NME5: variants seen among roughly 807,000 people sequenced by gnomAD.
NME5 encodes the protein NME/NM23 family member 5.
In NME5, 18 loss-of-function variants were observed where a neutral mutation model predicts 21.6. That is an observed-to-expected ratio of 0.83 (90% CI 0.58 to 1.24). The LOEUF is 1.24. Ranked by LOEUF, NME5 falls within the 50% of genes most tolerant of loss-of-function variation. The pLI, the probability that NME5 is intolerant of heterozygous loss-of-function variation, is 0.00. For missense variants in NME5, 223 were observed against 255.4 expected, an observed-to-expected ratio of 0.87 and a Z score of 0.86; for synonymous variants, 70 against 80.6, an observed-to-expected ratio of 0.87 and a Z score of 0.71.
At chr5:138,119,532 A>G (rs2151158148) in intron 4 of NME5, among the ~76,000 whole-genome samples, 1 of 152,154 alleles carries the variant, frequency 6.6e-6, no homozygotes, top group East Asian at 1.9e-4. Flanking sequence ...ATGGGGTTTC[A>G]CCATGTTGGC....
Position 138,138,831 on chromosome 5 carries a change from A to C in NME5, c.-5-46T>G, listed in dbSNP as rs569379042. ...GAGTTTCTTAACAGGTATCAACTGC[A>C]ATGACATGCATTTCCCCCCACCCCC... is the stretch of plus-strand genomic sequence containing the variant. On this transcript the variant is annotated intron_variant, in intron 1 of 5. Coordinates refer to ENST00000265191, the MANE Select transcript of NME5 (RefSeq NM_003551.3). 2.4e-5 allele frequency: 37 copies of C among 1,554,980 alleles called. No individual in the cohort carries two copies. The East Asian group carries it at 7.5e-4, about 32-fold the overall frequency.
rs758710083 is a variant in NME5, at chr5:138,129,318, A to T, written c.280T>A (p.Leu94Ile). ...LARHKAISYW[L>I]ELLGPNNSLV... ...CTATTATTTGGTCCCAAAAGTTCTAACCAATAAGAGATGGCTTTATGTCTA... is the reference window on the plus strand; with the variant it reads ...CTATTATTTGGTCCCAAAAGTTCTATCCAATAAGAGATGGCTTTATGTCTA... Residue 94 changes from leucine to isoleucine, a missense_variant, in exon 3 of 6, where the codon TTA (leucine) becomes ATA (isoleucine). Transcript: ENST00000265191. 3.1e-6 allele frequency: 5 copies of T among 1,613,906 alleles called. No individual in the cohort carries two copies. The highest frequency in any genetic ancestry group is 1.7e-5 in the Admixed American group (1 of 59,984).
At chr5:138,126,764 G>A (rs1273929780) in intron 4 of NME5, among the ~76,000 whole-genome samples, 2 of 151,852 alleles carry the variant, frequency 1.3e-5, no homozygotes, top group East Asian at 1.9e-4. Flanking sequence ...CCTGGGCAAC[G>A]TAGTGAGATT....
chr5:138,128,360 A>C (rs374798546), intron 4 of NME5, 119 bp downstream of exon 4: 4 of 768,566 alleles, frequency 5.2e-6, no homozygotes, highest in Non-Finnish European at 4.2e-6. Context: ...ACTTGAAAAC[A>C]TAACAAAATA....
chr5:138,128,680 C>CT (rs1239410999), intron 3 of NME5, 101 bp from the exon 4 acceptor site: 2 of 707,002 alleles, frequency 2.8e-6, no homozygotes, highest in Non-Finnish European at 4.7e-6. Context: ...ATTGCCACTT[C>CT]TTACATATGA....
At position 138,138,702 on chromosome 5, in the gene NME5, C is replaced by CT; in HGVS notation, c.78dup (p.Glu27ArgfsTer10). 6.2e-7 allele frequency: 1 copy of CT among 1,613,138 alleles called. No homozygotes were observed. The highest frequency in any genetic ancestry group is 8.5e-7 in the Non-Finnish European group (1 of 1,179,564). ...AGAATAATATCTTGTATCTCCTCCT[C>CT]TTTGTCAACAATATCTGGTTTGATA... On this transcript the variant is annotated frameshift_variant, in exon 2 of 6. Coordinates refer to ENST00000265191, the MANE Select transcript of NME5 (RefSeq NM_003551.3). LOFTEE classifies it high-confidence loss of function.
rs1310965055 is a variant in NME5 at position 138,129,339 on chromosome 5, G to C, written c.259C>G (p.His87Asp). 1 of 1,613,874 alleles carries C rather than the reference G, an allele frequency of 6.2e-7. No homozygotes were observed. Among genetic ancestry groups the C allele is most frequent in the South Asian group, 1.1e-5 (1 of 91,082 alleles). Residue 87 changes from histidine (H) to aspartate (D), a missense_variant, in exon 3 of 6, where the codon CAT (histidine) becomes GAT (aspartate). By Grantham distance (81) the His-to-Asp change is moderately conservative (BLOSUM62 -1). Coordinates refer to ENST00000265191, the MANE Select transcript of NME5 (RefSeq NM_003551.3). ...TCTAACCAATAAGAGATGGCTTTAT[G>C]TCTAGCTAATATCATGGCGACAAGT... is the stretch of plus-strand genomic sequence containing the variant. ...GPLVAMILAR[H>D]KAISYWLELL... is the part of the protein sequence containing the mutation.
intron 2 of NME5, among the ~76,000 whole-genome samples, chr5:138,130,860 A>T (rs534238244): frequency 1.3e-5 from 2 of 152,046 alleles, no homozygotes; most frequent in African/African-American, 4.8e-5. Context: ...CGGGAGGCAG[A>T]GGTTGCAGGG....
rs374872859 is a variant in NME5, at chr5:138,127,717, CA to C, written c.436+761del. On this transcript the variant is annotated intron_variant, in intron 4 of 5. Coordinates refer to ENST00000265191, the MANE Select transcript of NME5 (RefSeq NM_003551.3). Reference sequence around the variant, plus strand: ...TACAACTTCTCTAACAGTAAGGAAACAAAAAAAGGGACTAGTTATTAATTTC... The same window carrying C: ...TACAACTTCTCTAACAGTAAGGAAACAAAAAAGGGACTAGTTATTAATTTC... 6 of 979,768 alleles carry C rather than the reference CA, an allele frequency of 6.1e-6. No homozygotes were observed. The East Asian group carries it at 3.4e-4, about 56-fold the overall frequency. 60.7% of individuals were successfully genotyped at this position (979,768 alleles called of 1,614,324 possible).
intron 2 of NME5, among the ~76,000 whole-genome samples, chr5:138,136,673 G>C (rs1215474628): frequency 6.6e-6 from 1 of 150,680 alleles, no homozygotes; most frequent in Non-Finnish European, 1.5e-5. Context: ...CGAGAGTTTC[G>C]CTCTTGTTGC....
rs1196337031 is a variant in NME5, at chr5:138,122,463, A to AAAAAAAAAAAAG, written c.437-3528_437-3527insCTTTTTTTTTTT. ...CTCTAAAAAAAAAAAAAAAAAAAAA[A>AAAAAAAAAAAAG]AAAAAATTGTGCCTAAATATTATAT... On this transcript the variant is annotated intron_variant, in intron 4 of 5. Transcript: ENST00000265191. Among the ~76,000 whole-genome samples, 154 of 149,110 alleles carry AAAAAAAAAAAAG rather than the reference A, an allele frequency of 1.0e-3. 1 individual carries two copies. The highest frequency in any genetic ancestry group is 3.5e-3 in the Middle Eastern group (1 of 286).
chr5:138,138,967 T>C, intron 1 of NME5, 182 bp from the exon 2 acceptor site: 2 of 544,998 alleles, frequency 3.7e-6, no homozygotes, highest in Non-Finnish European at 6.3e-6. Context: ...GTCTCAATAA[T>C]AGGATTCCTA....
At chr5:138,132,639 C>T (rs1400586309) in intron 2 of NME5, among the ~76,000 whole-genome samples, 2 of 152,100 alleles carry the variant, frequency 1.3e-5, no homozygotes, top group Admixed American at 6.6e-5. Flanking sequence ...TCCGTGTCTC[C>T]GCAGGCTTCA....
chr5:138,122,473 T>G (rs1751308859), intron 4 of NME5, among the ~76,000 whole-genome samples: 1 of 115,586 alleles, frequency 8.7e-6, no homozygotes, highest in Non-Finnish European at 1.8e-5. Context: ...AAAAAAATTG[T>G]GCCTAAATAT....
chr5:138,138,744 C>G lies in NME5; in HGVS notation c.37G>C (p.Glu13Gln). ...GGTTTGATAATGGCCAGAGTTTTTT[C>G]TACATATATCTGAGGTGGAGGCATT... is the stretch of plus-strand genomic sequence containing the variant. ...ISMPPPQIYV[E>Q]KTLAIIKPDI... is the part of the protein sequence containing the mutation. The change falls in exon 2 of 6, where the codon GAA becomes CAA. Residue 13 changes from glutamate (E) to glutamine (Q), a missense_variant. Transcript: ENST00000265191. 1 of 1,612,490 alleles carries G rather than the reference C, an allele frequency of 6.2e-7. No individual in the cohort carries two copies.
intron 4 of NME5, among the ~76,000 whole-genome samples, chr5:138,121,172 G>GAT (rs151283026): frequency 2.6e-4 from 39 of 150,768 alleles, no homozygotes; most frequent in Admixed American, 1.0e-3. Flanking sequence ...AAAAAAAAAA[G>GAT]ATATATATAT....
chr5:138,115,708 G>T lies in NME5; in HGVS notation c.612C>A (p.His204Gln). 6.3e-7 allele frequency: 1 copy of T among 1,578,540 alleles called. No homozygotes were observed. The change falls in exon 6 of 6, where the codon CAC becomes CAA. Residue 204 changes from histidine to glutamine, a missense_variant. Physicochemically the swap from His to Gln is conservative, Grantham distance 24 (BLOSUM62 0). Transcript: ENST00000265191. ...KNNPNKPKLC[H>Q]HPIVEEPY The stretch of plus-strand genomic sequence containing the variant: ...AATAAGGTTCTTCTACAATTGGATG[G>T]TGACAAAGTTTGGGTTTGTTAGGAT...
chr5:138,117,278 A>G (rs1410040163), intron 5 of NME5, among the ~76,000 whole-genome samples: 1 of 151,780 alleles, frequency 6.6e-6, no homozygotes, highest in Non-Finnish European at 1.5e-5. Flanking sequence ...GTAAATTTTC[A>G]TGACCTTGGA....
chr5:138,135,319 CA>C (rs753075071), intron 2 of NME5, among the ~76,000 whole-genome samples: 337 of 90,684 alleles, frequency 3.7e-3, no homozygotes, highest in Middle Eastern at 5.7e-3. Flanking sequence ...GACTCCGTCT[CA>C]AAAAAAAAAA....
Sources: allele counts gnomAD v4.1 joint callset (sites outside exome capture counted in the v4.1 genomes callset), GRCh38; gene constraint gnomAD v4.1.1; transcripts MANE v1.5; gene names NCBI Gene and HGNC (gene_info 2026-07-23, HGNC 2026-07-21).